The following SLC24A2 variants were observed in gnomAD, a reference collection of about 807,000 sequenced individuals.
SLC24A2 encodes sodium/potassium/calcium exchanger 2.
A neutral mutation model predicts 62.0 loss-of-function variants in SLC24A2; 36 were observed. That is an observed-to-expected ratio of 0.58 (90% confidence interval 0.44 to 0.77). The LOEUF is 0.77. Ranked by LOEUF, SLC24A2 falls within the 30% of genes least tolerant of loss-of-function variation. The pLI, the probability that SLC24A2 is intolerant of heterozygous loss-of-function variation, is 0.00. For synonymous variants in SLC24A2, 358 were observed against 294.0 expected (o/e 1.22, Z -2.23); for missense variants, 846 against 817.9 (o/e 1.03, Z -0.42).
the SLC24A2 span, among the ~76,000 whole-genome samples, chr9:20,175,715 G>A: frequency 6.6e-6 from 1 of 151,972 alleles, no homozygotes; most frequent in Admixed American, 6.6e-5. Flanking sequence ...AAGACTCTCA[G>A]TTTTGAAATA....
the SLC24A2 span, among the ~76,000 whole-genome samples, chr9:20,230,704 G>C: frequency 6.6e-6 from 1 of 152,036 alleles, no homozygotes; most frequent in Non-Finnish European, 1.5e-5. Flanking sequence ...TCTGATAGTA[G>C]TTTCTTTTGC....
chr9:19,577,117 T>C, intron 5 of SLC24A2, 95 bp from the exon 6 acceptor site: 1 of 923,082 alleles, frequency 1.1e-6, no homozygotes, highest in Admixed American at 1.7e-5. Context: ...CACGCTGCAC[T>C]AATAGCGTGA....
chr9:19,914,213 G>A, the SLC24A2 span, among the ~76,000 whole-genome samples: 2 of 152,000 alleles, frequency 1.3e-5, no homozygotes, highest in African/African-American at 4.8e-5. Flanking sequence ...CCACTTGAGT[G>A]TTTCAACCAC....
chr9:20,101,649 G>C, the SLC24A2 span, among the ~76,000 whole-genome samples: 7 of 152,134 alleles, frequency 4.6e-5, no homozygotes, highest in Non-Finnish European at 7.4e-5. Flanking sequence ...TTTCCGGGGA[G>C]AAAAGGAATG....
the SLC24A2 span, among the ~76,000 whole-genome samples, chr9:20,093,186 C>T: frequency 6.6e-6 from 1 of 151,916 alleles, no homozygotes; most frequent in African/African-American, 2.4e-5. Context: ...ATTCTCCTGT[C>T]TCAGCCTTCC....
chr9:20,082,541 T>C, the SLC24A2 span, among the ~76,000 whole-genome samples: 2 of 152,226 alleles, frequency 1.3e-5, no homozygotes, highest in Admixed American at 6.5e-5. Context: ...CAGCCTCCCA[T>C]GCTCTGAGGT....
At chr9:19,937,559 A>G in the SLC24A2 span, among the ~76,000 whole-genome samples, 1 of 152,238 alleles carries the variant, frequency 6.6e-6, no homozygotes, top group East Asian at 1.9e-4. Flanking sequence ...ATTTCTCTCA[A>G]CTGAGCTATT....
the SLC24A2 span, among the ~76,000 whole-genome samples, chr9:20,068,623 G>A: frequency 6.6e-6 from 1 of 152,090 alleles, no homozygotes. Flanking sequence ...GCCATAAATT[G>A]GAAATAAAGT....
intron 2 of SLC24A2, among the ~76,000 whole-genome samples, chr9:19,636,317 T>TCTC (rs1818330784): frequency 9.3e-5 from 1 of 10,724 alleles, no homozygotes; most frequent in South Asian, 5.0e-3. Flanking sequence ...TTCTTTTCTT[T>TCTC]TCTTTCTTTC....
the SLC24A2 span, among the ~76,000 whole-genome samples, chr9:20,029,926 G>T: frequency 3.9e-5 from 6 of 152,292 alleles, no homozygotes; most frequent in South Asian, 1.2e-3. Context: ...TGTTAGTGTT[G>T]CACAAAGGGT....
intron 2 of SLC24A2, among the ~76,000 whole-genome samples, chr9:19,645,160 A>T (rs1452751132): frequency 6.6e-6 from 1 of 152,208 alleles, no homozygotes; most frequent in African/African-American, 2.4e-5. Context: ...GTTACTAAGG[A>T]CATAAAAAAT....
rs1202972653 is a variant in SLC24A2, at chr9:19,685,266, C to A, written c.931-62967G>T. ...TTGCTCAAAGAAATCATAGATGACA[C>A]AAACAAATGGAAAAACATTCCATGC... On this transcript the variant is annotated intron_variant, in intron 2 of 10. Coordinates refer to ENST00000341998, the MANE Select transcript of SLC24A2 (RefSeq NM_020344.4). Among the ~76,000 whole-genome samples, 3 of 152,076 alleles carry A rather than the reference C, an allele frequency of 2.0e-5. No individual in the cohort carries two copies. The South Asian group carries it at 6.2e-4, about 31-fold the overall frequency.
the SLC24A2 span, among the ~76,000 whole-genome samples, chr9:20,161,395 T>C: frequency 3.3e-5 from 5 of 151,492 alleles, no homozygotes; most frequent in Admixed American, 6.6e-5. Flanking sequence ...GTAACATTGA[T>C]ACAGGAACCT....
At chr9:19,684,729 G>A (rs1220893854) in intron 2 of SLC24A2, among the ~76,000 whole-genome samples, 1 of 151,992 alleles carries the variant, frequency 6.6e-6, no homozygotes, top group Non-Finnish European at 1.5e-5. Context: ...CAAGATGGCA[G>A]CATTGCAGAG....
chr9:20,217,778 T>C, the SLC24A2 span, among the ~76,000 whole-genome samples: 5 of 152,204 alleles, frequency 3.3e-5, no homozygotes, highest in African/African-American at 1.2e-4. Context: ...TACCCATGTG[T>C]TTTGGCTTCC....
chr9:19,556,194 T>C (rs565944220), intron 7 of SLC24A2, among the ~76,000 whole-genome samples: 8 of 152,352 alleles, frequency 5.3e-5, no homozygotes, highest in Admixed American at 2.0e-4. Context: ...CAGATGCTCA[T>C]AGCATCATGA....
chr9:19,665,271 C>T (rs139321275), intron 2 of SLC24A2, among the ~76,000 whole-genome samples: 12 of 152,226 alleles, frequency 7.9e-5, no homozygotes, highest in African/African-American at 2.4e-4. Context: ...AGGCGGTTTA[C>T]GCTCACTGGT....
chr9:20,026,408 T>G, the SLC24A2 span, among the ~76,000 whole-genome samples: 1 of 152,230 alleles, frequency 6.6e-6, no homozygotes, highest in Non-Finnish European at 1.5e-5. Flanking sequence ...ACTCTATAAA[T>G]TGGAGCTATT....
chr9:19,980,678 T>C, the SLC24A2 span, among the ~76,000 whole-genome samples: 10 of 152,092 alleles, frequency 6.6e-5, no homozygotes, highest in African/African-American at 2.4e-4. Context: ...ATTAAGTAGA[T>C]AAAAAGACAT....
Sources: allele counts gnomAD v4.1 joint callset (sites outside exome capture counted in the v4.1 genomes callset), GRCh38; gene constraint gnomAD v4.1.1; transcripts MANE v1.5; gene names NCBI Gene and HGNC (gene_info 2026-07-23, HGNC 2026-07-21).